The following PTPRD variants were observed in gnomAD, a reference collection of about 807,000 sequenced individuals.
The protein encoded by PTPRD is protein tyrosine phosphatase receptor type D, also known as receptor-type tyrosine-protein phosphatase delta.
A neutral mutation model predicts 214.5 loss-of-function variants in PTPRD; 34 were observed. The observed-to-expected ratio is 0.16, with a 90% CI of 0.12 to 0.21. PTPRD has a LOEUF of 0.21. Ranked by LOEUF, PTPRD falls within the 10% of genes least tolerant of loss-of-function variation. PTPRD has a pLI of 1.00. For synonymous variants in PTPRD, 1,128 were observed against 845.7 expected (o/e 1.33, Z -5.79); for missense variants, 2,545 against 2,398.7 (o/e 1.06, Z -1.27).
At chr9:9,404,227 GTGACATTA>G (rs1225829993) in intron 8 of PTPRD, among the ~76,000 whole-genome samples, 1 of 152,088 alleles carries the variant, frequency 6.6e-6, no homozygotes, top group Non-Finnish European at 1.5e-5. Flanking sequence ...AAGAAGTTGA[GTGACATTA>G]TGGTTTTGTC....
At chr9:8,417,829 A>G (rs1172514068) in intron 35 of PTPRD, among the ~76,000 whole-genome samples, 1 of 152,200 alleles carries the variant, frequency 6.6e-6, no homozygotes, top group African/African-American at 2.4e-5. Context: ...GTGTCCAAAG[A>G]AAAAGCTGAA....
chr9:9,470,085 G>T (rs527397639), intron 8 of PTPRD, among the ~76,000 whole-genome samples: 11 of 152,290 alleles, frequency 7.2e-5, no homozygotes, highest in African/African-American at 2.4e-4. Flanking sequence ...CTTTGCAGAA[G>T]CTGTAATAAA....
chr9:8,812,431 C>T (rs990732334), intron 11 of PTPRD, among the ~76,000 whole-genome samples: 1 of 152,004 alleles, frequency 6.6e-6, no homozygotes, highest in African/African-American at 2.4e-5. Flanking sequence ...ATTAAGAATC[C>T]CCTGCTTTGG....
At chr9:8,458,607 A>C (rs977893489) in intron 33 of PTPRD, among the ~76,000 whole-genome samples, 2 of 152,132 alleles carry the variant, frequency 1.3e-5, no homozygotes, top group African/African-American at 4.8e-5. Flanking sequence ...CTCTTCTGGA[A>C]AAAAGTGCAG....
chr9:10,468,653 C>A (rs1054926106), intron 2 of PTPRD, among the ~76,000 whole-genome samples: 2 of 151,822 alleles, frequency 1.3e-5, no homozygotes, highest in African/African-American at 4.8e-5. Context: ...ATAATAAAAA[C>A]ATTAAAAAGA....
intron 4 of PTPRD, among the ~76,000 whole-genome samples, chr9:9,946,591 G>A (rs1269236806): frequency 6.6e-6 from 1 of 151,988 alleles, no homozygotes; most frequent in East Asian, 1.9e-4. Context: ...TTTGCAAAGG[G>A]AAACATATTC....
In PTPRD at chr9:10,522,757, G is replaced by T. The variant is rs114818397; in HGVS notation, c.-600+89641C>A. On this transcript the variant is annotated intron_variant, in intron 2 of 45. Coordinates refer to ENST00000381196, the MANE Select transcript of PTPRD (RefSeq NM_002839.4). ...ACTGAAAACTGAGAAAGAAACTGAG[G>T]GTTCTTTCAGTCTGAGAACCCTCAA... Among the ~76,000 whole-genome samples, 812 of 151,722 alleles carry T rather than the reference G, an allele frequency of 5.4e-3. 10 individuals carry two copies. The highest frequency in any genetic ancestry group is 0.018 in the African/African-American group (757 of 41,382).
intron 33 of PTPRD, among the ~76,000 whole-genome samples, chr9:8,456,713 C>T (rs79479360): frequency 0.023 from 3,464 of 152,176 alleles, 131 homozygotes; most frequent in African/African-American, 0.08. Context: ...GCCTACATTT[C>T]AGTCTCATCT....
chr9:8,697,016 G>A (rs2097924555), intron 12 of PTPRD, among the ~76,000 whole-genome samples: 1 of 152,184 alleles, frequency 6.6e-6, no homozygotes, highest in South Asian at 2.1e-4. Context: ...GCGGAAGCGT[G>A]AGAACAACAG....
intron 7 of PTPRD, among the ~76,000 whole-genome samples, chr9:9,595,738 A>C (rs572445999): frequency 6.6e-6 from 1 of 152,066 alleles, no homozygotes; most frequent in African/African-American, 2.4e-5. Flanking sequence ...GTGGAAGCTA[A>C]GCTATGATGA....
intron 3 of PTPRD, among the ~76,000 whole-genome samples, chr9:10,152,419 A>G (rs1395438741): frequency 6.6e-6 from 1 of 152,318 alleles, no homozygotes; most frequent in East Asian, 1.9e-4. Context: ...CAAATCATTC[A>G]TCAGATATGT....
intron 9 of PTPRD, among the ~76,000 whole-genome samples, chr9:9,362,007 A>G (rs564541637): frequency 4.0e-5 from 6 of 151,192 alleles, no homozygotes; most frequent in African/African-American, 1.4e-4. Flanking sequence ...GTCATTCTTG[A>G]GTCCAATCAG....
At chr9:8,325,905 T>C (rs979215099) in intron 44 of PTPRD, among the ~76,000 whole-genome samples, 19 of 152,202 alleles carry the variant, frequency 1.2e-4, no homozygotes, top group African/African-American at 4.3e-4. Context: ...CTTGTGATTT[T>C]TGCACATTGA....
At chr9:9,973,371 C>T (rs373713796) in intron 4 of PTPRD, among the ~76,000 whole-genome samples, 1 of 151,388 alleles carries the variant, frequency 6.6e-6, no homozygotes, top group East Asian at 1.9e-4. Context: ...ACTTGGAAGG[C>T]TGAAGCCGGA....
intron 8 of PTPRD, among the ~76,000 whole-genome samples, chr9:9,484,839 C>G (rs1043963120): frequency 6.6e-6 from 1 of 152,030 alleles, no homozygotes; most frequent in Admixed American, 6.6e-5. Context: ...TCTCTATATA[C>G]CCGGTTTTTA....
chr9:8,601,337 G>T (rs115073900), intron 14 of PTPRD, among the ~76,000 whole-genome samples: 182 of 152,262 alleles, frequency 1.2e-3, no homozygotes, highest in African/African-American at 4.2e-3. Flanking sequence ...TTAAAAGAAG[G>T]CCTGGATGGC....
chr9:10,578,331 T>C (rs942262089), intron 2 of PTPRD, among the ~76,000 whole-genome samples: 1 of 152,188 alleles, frequency 6.6e-6, no homozygotes, highest in African/African-American at 2.4e-5. Context: ...GTTTCCTATA[T>C]ATACAGAACC....
At chr9:9,105,229 G>A (rs1056996009) in intron 10 of PTPRD, among the ~76,000 whole-genome samples, 6 of 152,132 alleles carry the variant, frequency 3.9e-5, no homozygotes, top group African/African-American at 1.2e-4. Flanking sequence ...GCTCTTGAGA[G>A]GTGGCCTTAT....
chr9:9,470,620 G>A (rs1386108358), intron 8 of PTPRD, among the ~76,000 whole-genome samples: 1 of 152,078 alleles, frequency 6.6e-6, no homozygotes, highest in African/African-American at 2.4e-5. Flanking sequence ...CAATGGCATG[G>A]CTCCATTTTG....
Sources: gnomAD v4.1 joint callset for allele counts (sites outside exome capture counted in the v4.1 genomes callset) on GRCh38, gnomAD v4.1.1 for gene constraint, MANE v1.5 for transcripts, NCBI Gene and HGNC (gene_info 2026-07-23, HGNC 2026-07-21) for gene names.